KSR2: variants seen among roughly 807,000 people sequenced by gnomAD.
KSR2 encodes the protein kinase suppressor of ras 2.
KSR2 carries 25 observed loss-of-function variants against 107.8 expected under a neutral mutation model. The ratio of observed to expected loss-of-function variants is 0.23; its 90% confidence interval spans 0.17 to 0.32. KSR2 has a LOEUF of 0.32. Among genes scored for constraint, KSR2 ranks in the 10% least tolerant of loss-of-function variants. KSR2 has a pLI of 1.00. For missense variants in KSR2, 887 were observed against 1,268.9 expected (o/e 0.70, Z 4.57); for synonymous variants, 480 against 507.0 (o/e 0.95, Z 0.71).
In KSR2 at chr12:117,696,487, A is replaced by T. The variant is rs556186707; in HGVS notation, c.987-28829T>A. Among the ~76,000 whole-genome samples, 235 of 151,138 alleles carry T rather than the reference A, an allele frequency of 1.6e-3. 2 individuals are homozygous for T. Among genetic ancestry groups the T allele is most frequent in the Non-Finnish European group, 9.9e-4 (67 of 67,768 alleles). Reference sequence around the variant, plus strand: ...GCACCTTAGATTTCCCTTCGGCAAGAAGAGGTGACCTACATCCTAGCACTG... The same window carrying T: ...GCACCTTAGATTTCCCTTCGGCAAGTAGAGGTGACCTACATCCTAGCACTG... On this transcript the variant is annotated intron_variant, in intron 4 of 19. Transcript: ENST00000339824.
chr12:117,778,941 G>T (rs1380931559), intron 3 of KSR2, among the ~76,000 whole-genome samples: 2 of 152,222 alleles, frequency 1.3e-5, no homozygotes, highest in Non-Finnish European at 2.9e-5. Context: ...CTTATGTGCT[G>T]CAAGGTGCCC....
intron 1 of KSR2, among the ~76,000 whole-genome samples, chr12:117,957,503 C>G (rs1215744384): frequency 6.6e-6 from 1 of 152,162 alleles, no homozygotes; most frequent in Non-Finnish European, 1.5e-5. Flanking sequence ...CCCCTGTCCC[C>G]ACACCCAGAG....
chr12:117,921,491 G>A (rs1032697918), intron 1 of KSR2, among the ~76,000 whole-genome samples: 1 of 151,988 alleles, frequency 6.6e-6, no homozygotes, highest in Non-Finnish European at 1.5e-5. Flanking sequence ...CTGGCCTCAC[G>A]GTATCCTCTT....
intron 5 of KSR2, among the ~76,000 whole-genome samples, chr12:117,590,677 A>G (rs1179763467): frequency 3.3e-5 from 5 of 152,204 alleles, no homozygotes; most frequent in Non-Finnish European, 7.3e-5. Context: ...CCCTCAGGCC[A>G]AATTCAACTC....
At chr12:117,667,747 G>A in intron 4 of KSR2, 89 bp from the exon 5 acceptor site, 1 of 1,128,888 alleles carries the variant, frequency 8.9e-7, no homozygotes, top group South Asian at 1.7e-5. Context: ...TGTTTCCCAT[G>A]AGGGGTCCAA....
chr12:117,774,915 G>A (rs984285511), intron 3 of KSR2, among the ~76,000 whole-genome samples: 1 of 152,062 alleles, frequency 6.6e-6, no homozygotes, highest in African/African-American at 2.4e-5. Flanking sequence ...GGAATCCTAC[G>A]CTATGTGGTC....
chr12:117,748,930 G>A (rs2136817609), intron 4 of KSR2, among the ~76,000 whole-genome samples: 1 of 151,824 alleles, frequency 6.6e-6, no homozygotes, highest in East Asian at 2.0e-4. Context: ...AATGCCTCTG[G>A]GGACAACTGG....
chr12:117,771,983 C>T (rs1268757875), intron 3 of KSR2, among the ~76,000 whole-genome samples: 1 of 150,256 alleles, frequency 6.7e-6, no homozygotes. Context: ...CTCACACATA[C>T]ACACATTCCC....
intron 1 of KSR2, among the ~76,000 whole-genome samples, chr12:117,887,984 A>G (rs866494511): frequency 2.0e-5 from 3 of 152,022 alleles, no homozygotes; most frequent in South Asian, 2.1e-4. Context: ...CAAGAACAAA[A>G]CTGGATTCAG....
intron 9 of KSR2, among the ~76,000 whole-genome samples, chr12:117,542,331 TGATAG>T (rs1430521088): frequency 6.6e-6 from 1 of 152,216 alleles, no homozygotes; most frequent in Non-Finnish European, 1.5e-5. Flanking sequence ...ATTATGTTAA[TGATAG>T]TATATTTCTA....
intron 1 of KSR2, among the ~76,000 whole-genome samples, chr12:117,878,065 T>C (rs1893916628): frequency 6.8e-6 from 1 of 148,072 alleles, no homozygotes; most frequent in East Asian, 1.9e-4. Context: ...AGGGCAGCTT[T>C]GAGTTGGGTA....
intron 11 of KSR2, 125 bp downstream of exon 11, chr12:117,531,541 G>A: frequency 2.6e-6 from 2 of 767,384 alleles, no homozygotes; most frequent in South Asian, 3.3e-5. Context: ...CTGGAGTGTG[G>A]TGACTCCACT....
intron 3 of KSR2, among the ~76,000 whole-genome samples, chr12:117,771,506 G>A (rs1319740274): frequency 1.3e-5 from 2 of 152,058 alleles, no homozygotes; most frequent in South Asian, 2.1e-4. Flanking sequence ...CTTCAGCCTC[G>A]GCAAAATAAA....
At chr12:117,517,550 C>T (rs984903799) in intron 14 of KSR2, among the ~76,000 whole-genome samples, 4 of 152,168 alleles carry the variant, frequency 2.6e-5, no homozygotes, top group African/African-American at 9.7e-5. Flanking sequence ...AAATCCTCTG[C>T]TGCTCATAGG....
intron 4 of KSR2, among the ~76,000 whole-genome samples, chr12:117,729,711 T>C (rs1887582927): frequency 6.7e-6 from 1 of 149,166 alleles, no homozygotes; most frequent in African/African-American, 2.4e-5. Context: ...CACCCATCCA[T>C]TCATTCATTT....
rs560705013 is a variant in KSR2, at chr12:117,615,021, C to T, written c.1172-32662G>A. Among the ~76,000 whole-genome samples the T allele has an allele frequency of 9.9e-5, 15 of 151,990 alleles. 1 individual carries two copies. Among genetic ancestry groups the T allele is most frequent in the Admixed American group, 9.2e-4 (14 of 15,252 alleles). ...TCTATCTTTCAGAGACCTAGGATGC[C>T]GTCCCTTCTCTTCTCACCACAGCCA... On this transcript the variant is annotated intron_variant, in intron 5 of 19. Transcript: ENST00000339824.
chr12:117,474,189 G>T (rs979820748), intron 17 of KSR2, among the ~76,000 whole-genome samples: 2 of 152,132 alleles, frequency 1.3e-5, no homozygotes, highest in African/African-American at 4.8e-5. Flanking sequence ...ATTTGCTGAA[G>T]ATGAAAACTC....
intron 3 of KSR2, among the ~76,000 whole-genome samples, chr12:117,820,972 TA>T (rs139518143): frequency 0.088 from 13,432 of 152,096 alleles, 661 homozygotes; most frequent in African/African-American, 0.11. Context: ...GGTTAAGGGG[TA>T]AAAACTTGAG....
intron 5 of KSR2, among the ~76,000 whole-genome samples, chr12:117,589,453 T>A (rs1880193930): frequency 6.6e-6 from 1 of 152,186 alleles, no homozygotes; most frequent in African/African-American, 2.4e-5. Flanking sequence ...TCCTCAGAAA[T>A]ACCACAAAGG....
Sources: gnomAD v4.1 joint callset for allele counts (sites outside exome capture counted in the v4.1 genomes callset) on GRCh38, gnomAD v4.1.1 for gene constraint, MANE v1.5 for transcripts, NCBI Gene and HGNC (gene_info 2026-07-23, HGNC 2026-07-21) for gene names.